The following RRP12 variants were observed in gnomAD, a reference collection of about 807,000 sequenced individuals.
RRP12 encodes the protein RRP12-like protein.
RRP12 carries 78 observed loss-of-function variants against 157.3 expected under a neutral mutation model. That is an observed-to-expected ratio of 0.50 (90% CI 0.41 to 0.60). The LOEUF (loss-of-function observed/expected upper bound fraction) is 0.60. Among genes scored for constraint, RRP12 ranks in the 20% least tolerant of loss-of-function variants. The pLI is 0.00. For missense variants in RRP12, 1,521 were observed against 1,679.9 expected (o/e 0.91, Z 1.65); for synonymous variants, 726 against 670.9 (o/e 1.08, Z -1.27).
intron 1 of RRP12, 97 bp from the exon 2 acceptor site, chr10:97,400,631 A>C (rs1589446849): frequency 5.4e-6 from 5 of 929,026 alleles, no homozygotes; most frequent in Non-Finnish European, 8.2e-6. Flanking sequence ...CAAATCTCCA[A>C]CCCGAGAGGC....
At position 97,401,208 on chromosome 10, in the gene RRP12, A is replaced by C. The variant is rs2275091; in HGVS notation, c.24T>G (p.Pro8=). ...GCTTCAACTTAGCTGAGACACCAGA[A>C]GGCAACTTTCCCGAGCGACCCATGT... MGRSGKL[P]SGVSAKLKRW... Residue 8 remains proline, a synonymous_variant, in exon 1 of 34, where the codon CCT becomes CCG. Coordinates refer to ENST00000370992, the MANE Select transcript of RRP12 (RefSeq NM_015179.4). 6.2e-7 allele frequency: 1 copy of C among 1,614,126 alleles called. No individual in the cohort carries two copies. Among genetic ancestry groups the C allele is most frequent in the Non-Finnish European group, 8.5e-7 (1 of 1,180,044 alleles).
chr10:97,364,343 G>A (rs375164177), intron 29 of RRP12, among the ~76,000 whole-genome samples: 8 of 152,286 alleles, frequency 5.3e-5, no homozygotes, highest in African/African-American at 1.9e-4. Flanking sequence ...TGGGCTCCAT[G>A]TGGGAATATA....
intron 15 of RRP12, 138 bp from the exon 16 acceptor site, chr10:97,374,032 A>T (rs1366590938): frequency 1.2e-5 from 8 of 681,940 alleles, no homozygotes; most frequent in Non-Finnish European, 1.8e-5. Context: ...ATTAAATCAT[A>T]CTTGTTCATT....
intron 33 of RRP12, 77 bp from the exon 34 acceptor site, chr10:97,357,273 C>G (rs1320445644): frequency 1.1e-6 from 1 of 891,812 alleles, no homozygotes; most frequent in African/African-American, 1.7e-5. Flanking sequence ...TGATGGCTCA[C>G]CCCCAGCGCC....
intron 33 of RRP12, among the ~76,000 whole-genome samples, chr10:97,358,130 C>T (rs759984398): frequency 2.6e-5 from 4 of 151,812 alleles, no homozygotes; most frequent in Non-Finnish European, 2.9e-5. Flanking sequence ...GTCAAGAGAT[C>T]GAGACCATCC....
At position 97,379,350 on chromosome 10, in the gene RRP12, G is replaced by A. The variant is rs375227694; in HGVS notation, c.1741C>T (p.Arg581Ter). Residue 581 changes from arginine (R) to a stop codon, truncating the protein, a stop_gained, in exon 15 of 34, where the codon CGA becomes TGA. Transcript: ENST00000370992. LOFTEE classifies it high-confidence loss of function. ...PVIRDHVQET[R>*]LGFFTTYFLP... ...AAGTAGGTGGTGAAAAAACCAAGTC[G>A]CGTTTCCTGAACATGGTCTCGGATG... 8 of 1,614,018 alleles carry A rather than the reference G, an allele frequency of 5.0e-6. No homozygotes were observed. The highest frequency in any genetic ancestry group is 1.7e-5 in the Admixed American group (1 of 60,012).
chr10:97,370,076 T>C, intron 24 of RRP12, 91 bp downstream of exon 24: 1 of 888,870 alleles, frequency 1.1e-6, no homozygotes, highest in Non-Finnish European at 1.7e-6. Context: ...CCAGGCACCT[T>C]TTCCCAGTTC....
In RRP12 at chr10:97,373,904, G is replaced by T. The variant is rs1275477347; in HGVS notation, c.1799-10C>A. On this transcript the variant is annotated splice_polypyrimidine_tract_variant and intron_variant, in intron 15 of 33. Coordinates refer to ENST00000370992, the MANE Select transcript of RRP12 (RefSeq NM_015179.4). ...TGAGCCAGGTCCATGGCTGCAGTGT[G>T]ACAGAGGGACAGAGTGTGAGCCCAG... 6.2e-7 allele frequency: 1 copy of T among 1,611,498 alleles called. No homozygotes were observed. The highest frequency in any genetic ancestry group is 1.1e-5 in the South Asian group (1 of 90,928).
At chr10:97,389,340 G>A (rs575050298) in intron 6 of RRP12, among the ~76,000 whole-genome samples, 15 of 152,196 alleles carry the variant, frequency 9.9e-5, no homozygotes, top group South Asian at 4.1e-4. Flanking sequence ...TGATCCGCCC[G>A]CCTCGGCCTC....
In RRP12 at chr10:97,370,990, C is replaced by T. The variant is rs1165857104; in HGVS notation, c.2435G>A (p.Ser812Asn). 6.2e-7 allele frequency: 1 copy of T among 1,613,908 alleles called. No individual in the cohort carries two copies. The highest frequency in any genetic ancestry group is 8.5e-7 in the Non-Finnish European group (1 of 1,179,976). ...PQGPGALFVQ[S>N]HLEDLKKTLL... ...TGTCTTCTTCAGGTCCTCCAGGTGGCTCTGCACGAAGAGGGCCCCGGGGCC... is the reference window on the plus strand; with the variant it reads ...TGTCTTCTTCAGGTCCTCCAGGTGGTTCTGCACGAAGAGGGCCCCGGGGCC... Residue 812 changes from serine to asparagine, a missense_variant, in exon 21 of 34, where the codon AGC (serine) becomes AAC (asparagine). Ser to Asn is a conservative substitution (Grantham distance 46). Coordinates refer to ENST00000370992, the MANE Select transcript of RRP12 (RefSeq NM_015179.4).
chr10:97,369,265 C>G (rs1023070745), intron 25 of RRP12, among the ~76,000 whole-genome samples, 160 bp downstream of exon 25: 8 of 152,224 alleles, frequency 5.3e-5, no homozygotes, highest in Non-Finnish European at 2.9e-5. Context: ...TCCTCGCCTC[C>G]ACCTGACAGG....
intron 25 of RRP12, among the ~76,000 whole-genome samples, chr10:97,369,176 G>T (rs1433887174): frequency 6.6e-6 from 1 of 152,196 alleles, no homozygotes; most frequent in Non-Finnish European, 1.5e-5. Context: ...CCTGCCCATG[G>T]GCCTTTGCCC....
intron 3 of RRP12, among the ~76,000 whole-genome samples, chr10:97,393,981 C>T (rs2133095197): frequency 6.6e-6 from 1 of 152,208 alleles, no homozygotes; most frequent in Non-Finnish European, 1.5e-5. Context: ...ATGCTACATA[C>T]CTTATACGTT....
chr10:97,391,801 G>A (rs1413667395), intron 4 of RRP12, among the ~76,000 whole-genome samples: 3 of 151,712 alleles, frequency 2.0e-5, no homozygotes, highest in African/African-American at 7.3e-5. Context: ...GGCGCCTGTA[G>A]TCCCAGCTAC....
intron 12 of RRP12, 143 bp from the exon 13 acceptor site, chr10:97,381,056 TAAC>T: frequency 1.6e-6 from 1 of 635,010 alleles, no homozygotes; most frequent in Non-Finnish European, 2.8e-6. Flanking sequence ...AGAAGAGAAC[TAAC>T]ATTTGTGACA....
At chr10:97,373,454 A>T in intron 17 of RRP12, 121 bp downstream of exon 17, 3 of 1,196,240 alleles carry the variant, frequency 2.5e-6, no homozygotes, top group Non-Finnish European at 2.3e-6. Context: ...GAAGCAGCAA[A>T]GGATGAGCTC....
intron 24 of RRP12, 144 bp downstream of exon 24, chr10:97,370,023 A>G: frequency 1.6e-6 from 1 of 633,682 alleles, no homozygotes; most frequent in Non-Finnish European, 2.8e-6. Context: ...AGGAAGGGAG[A>G]CAGGGAGGCA....
chr10:97,398,913 A>G (rs1845060164), intron 2 of RRP12, among the ~76,000 whole-genome samples: 1 of 152,186 alleles, frequency 6.6e-6, no homozygotes, highest in Non-Finnish European at 1.5e-5. Flanking sequence ...TGCTGTAGTA[A>G]AATATACTGA....
chr10:97,377,858 A>G (rs1844353244), intron 15 of RRP12, among the ~76,000 whole-genome samples: 1 of 151,848 alleles, frequency 6.6e-6, no homozygotes, highest in African/African-American at 2.4e-5. Context: ...AAAAAAAAAA[A>G]AAAGAAAAAA....
Sources: gnomAD v4.1 joint callset for allele counts (sites outside exome capture counted in the v4.1 genomes callset) on GRCh38, gnomAD v4.1.1 for gene constraint, MANE v1.5 for transcripts, NCBI Gene and HGNC (gene_info 2026-07-23, HGNC 2026-07-21) for gene names.